The following NRG3 variants were observed in gnomAD, a reference collection of about 807,000 sequenced individuals.
The protein encoded by NRG3 is pro-neuregulin-3, membrane-bound isoform.
In NRG3, 31 loss-of-function variants were observed where a neutral mutation model predicts 66.9. That is an observed-to-expected ratio of 0.46 (90% CI 0.35 to 0.63). The LOEUF (loss-of-function observed/expected upper bound fraction) is 0.63. Among genes scored for constraint, NRG3 ranks in the 20% least tolerant of loss-of-function variants. The pLI, the probability that NRG3 is intolerant of heterozygous loss-of-function variation, is 0.00. For synonymous variants in NRG3, 393 were observed against 359.4 expected (o/e 1.09, Z -1.06); for missense variants, 910 against 878.9 (o/e 1.04, Z -0.45).
chr10:82,303,491 T>C (rs757500104), intron 1 of NRG3, among the ~76,000 whole-genome samples: 3 of 152,204 alleles, frequency 2.0e-5, no homozygotes, highest in Non-Finnish European at 2.9e-5. Context: ...CAGTGACTGA[T>C]AAAAATGTTT....
intron 1 of NRG3, among the ~76,000 whole-genome samples, chr10:82,078,006 T>G (rs2065182727): frequency 6.6e-6 from 1 of 152,154 alleles, no homozygotes; most frequent in Admixed American, 6.5e-5. Flanking sequence ...AATCTCCAGT[T>G]GGGCCCTTGG....
chr10:82,321,640 T>A (rs2081585913), intron 1 of NRG3, among the ~76,000 whole-genome samples: 1 of 152,216 alleles, frequency 6.6e-6, no homozygotes, highest in African/African-American at 2.4e-5. Flanking sequence ...TTTCCTCGGC[T>A]ATTCTATAGT....
chr10:81,894,366 T>G (rs2132589564), intron 1 of NRG3, among the ~76,000 whole-genome samples: 1 of 152,284 alleles, frequency 6.6e-6, no homozygotes, highest in Non-Finnish European at 1.5e-5. Context: ...TAATTTATTT[T>G]TATTTTCTAA....
intron 2 of NRG3, among the ~76,000 whole-genome samples, chr10:82,374,041 A>G (rs2085056453): frequency 6.6e-6 from 1 of 152,136 alleles, no homozygotes; most frequent in Admixed American, 6.6e-5. Flanking sequence ...TCCGGAACCT[A>G]CCACCTACTC....
At chr10:82,984,511 T>A (rs1853251790) in intron 8 of NRG3, among the ~76,000 whole-genome samples, 1 of 152,170 alleles carries the variant, frequency 6.6e-6, no homozygotes, top group African/African-American at 2.4e-5. Context: ...AGTGAGGTGG[T>A]TCCTTTAGAG....
intron 2 of NRG3, among the ~76,000 whole-genome samples, chr10:82,428,373 G>A (rs1320891247): frequency 2.0e-5 from 2 of 99,448 alleles, no homozygotes; most frequent in Non-Finnish European, 3.8e-5. Flanking sequence ...CATAATTGTT[G>A]GTACGTTGTT....
At position 82,958,132 on chromosome 10, in the gene NRG3, C is replaced by T. The variant is rs1165007481; in HGVS notation, c.1158-817C>T. The stretch of plus-strand genomic sequence containing the variant: ...CAGTTTCAGCCTTTTCACTCAGAAG[C>T]GGTGGGACCATGAGCACATGGCTTG... On this transcript the variant is annotated intron_variant, in intron 5 of 8. Transcript: ENST00000372141. Among the ~76,000 whole-genome samples the T allele has an allele frequency of 6.6e-5, 10 of 152,258 alleles. No homozygotes were observed. In the East Asian group the frequency reaches 7.7e-4, roughly 12 times the overall value.
chr10:81,937,955 A>T (rs565703860), intron 1 of NRG3, among the ~76,000 whole-genome samples: 1 of 151,906 alleles, frequency 6.6e-6, no homozygotes, highest in Non-Finnish European at 1.5e-5. Context: ...GTTCTTTTCC[A>T]TGTGGGTATC....
chr10:82,182,915 T>A (rs1301494095), intron 1 of NRG3, among the ~76,000 whole-genome samples: 1 of 151,996 alleles, frequency 6.6e-6, no homozygotes, highest in Admixed American at 6.6e-5. Flanking sequence ...TGTTTGGCAT[T>A]TTTTAAGCTC....
chr10:82,482,276 G>A (rs1342469213), intron 2 of NRG3, among the ~76,000 whole-genome samples: 3 of 152,108 alleles, frequency 2.0e-5, no homozygotes, highest in African/African-American at 4.8e-5. Flanking sequence ...AGCACACTTA[G>A]TAGAAAGGCT....
chr10:82,362,079 C>CAAAAAAAAAAAAAAAAA (rs58975630), intron 2 of NRG3, among the ~76,000 whole-genome samples: 2 of 13,930 alleles, frequency 1.4e-4, no homozygotes, highest in Non-Finnish European at 1.8e-4. Flanking sequence ...AAAGTACATG[C>CAAAAAAAAAAAAAAAAA]AAAAAAAAAA....
At chr10:82,429,415 T>C (rs2089654367) in intron 2 of NRG3, among the ~76,000 whole-genome samples, 1 of 152,076 alleles carries the variant, frequency 6.6e-6, no homozygotes, top group South Asian at 2.1e-4. Context: ...TTTTAGTTGG[T>C]AGTCTTTTTC....
chr10:82,813,499 C>G (rs939728265), intron 3 of NRG3, among the ~76,000 whole-genome samples: 1 of 152,128 alleles, frequency 6.6e-6, no homozygotes, highest in South Asian at 2.1e-4. Flanking sequence ...CAGATGTGAG[C>G]CACCGTGCCC....
intron 2 of NRG3, among the ~76,000 whole-genome samples, chr10:82,695,706 G>A (rs2055326411): frequency 6.6e-6 from 1 of 152,122 alleles, no homozygotes; most frequent in Non-Finnish European, 1.5e-5. Flanking sequence ...TTTATTAAAT[G>A]TAATTTCTTA....
rs117467084 is a variant in NRG3 at position 82,739,098 on chromosome 10, A to T, written c.1027+448A>T. 3.7e-4 allele frequency among the ~76,000 whole-genome samples: 56 copies of T among 152,348 alleles called. No individual in the cohort carries two copies. The East Asian group carries it at 0.01, about 28-fold the overall frequency. Reference sequence around the variant, plus strand: ...AAAGTAAGAAAACGTGTACGAAATCATGTAAGAAGTTTTCAAGCAGACTTT... The same window carrying T: ...AAAGTAAGAAAACGTGTACGAAATCTTGTAAGAAGTTTTCAAGCAGACTTT... On this transcript the variant is annotated intron_variant, in intron 3 of 8. Coordinates refer to ENST00000372141, the MANE Select transcript of NRG3 (RefSeq NM_001010848.4).
chr10:82,463,229 C>T (rs2091605724), intron 2 of NRG3, among the ~76,000 whole-genome samples: 1 of 152,212 alleles, frequency 6.6e-6, no homozygotes. Context: ...TTTCACATGG[C>T]AGATGAAATA....
intron 1 of NRG3, among the ~76,000 whole-genome samples, chr10:82,006,095 C>A (rs1485372099): frequency 2.0e-5 from 3 of 151,970 alleles, no homozygotes; most frequent in African/African-American, 7.3e-5. Flanking sequence ...GCATTTGATT[C>A]TGTTTTCCCA....
intron 1 of NRG3, among the ~76,000 whole-genome samples, chr10:81,979,137 C>T (rs1442135720): frequency 3.5e-5 from 5 of 144,084 alleles, no homozygotes; most frequent in South Asian, 2.2e-4. Context: ...TGCAGTGAGC[C>T]GGGATTGTGC....
At chr10:81,920,924 C>A (rs1320661003) in intron 1 of NRG3, among the ~76,000 whole-genome samples, 1 of 151,960 alleles carries the variant, frequency 6.6e-6, no homozygotes. Context: ...TTCTCATAAC[C>A]TAATATGAAA....
Sources: gnomAD v4.1 joint callset for allele counts (sites outside exome capture counted in the v4.1 genomes callset) on GRCh38, gnomAD v4.1.1 for gene constraint, MANE v1.5 for transcripts, NCBI Gene and HGNC (gene_info 2026-07-23, HGNC 2026-07-21) for gene names.